Variants in TASP1 observed in about 807,000 individuals in gnomAD.
The protein encoded by TASP1 is taspase 1, also known as threonine aspartase 1.
A neutral mutation model predicts 56.6 loss-of-function variants in TASP1; 16 were observed. That is an observed-to-expected ratio of 0.28 (90% CI 0.19 to 0.43). TASP1 has a LOEUF of 0.43. Ranked by LOEUF, TASP1 falls within the 20% of genes least tolerant of loss-of-function variation. The pLI is 1.00. For synonymous variants in TASP1, 179 were observed against 184.2 expected (o/e 0.97, Z 0.23); for missense variants, 393 against 511.6 (o/e 0.77, Z 2.24).
chr20:13,404,856 G>T (rs918642845), intron 13 of TASP1, among the ~76,000 whole-genome samples: 1 of 151,724 alleles, frequency 6.6e-6, no homozygotes, highest in Non-Finnish European at 1.5e-5. Context: ...CTGAATCTCT[G>T]TTCAGAAATA....
chr20:13,420,100 G>A (rs1196039189), intron 12 of TASP1, among the ~76,000 whole-genome samples: 3 of 152,050 alleles, frequency 2.0e-5, no homozygotes, highest in South Asian at 4.2e-4. Context: ...ATATTAAGGG[G>A]GCAACTGCTC....
chr20:13,518,799 C>A (rs6134899), intron 10 of TASP1, among the ~76,000 whole-genome samples: 30,443 of 152,036 alleles, frequency 0.2, 3,304 homozygotes, highest in Middle Eastern at 0.28. Flanking sequence ...AATAGAACCA[C>A]CATTTGACCC....
At chr20:13,187,115 T>C in the TASP1 span, among the ~76,000 whole-genome samples, 1 of 152,028 alleles carries the variant, frequency 6.6e-6, no homozygotes, top group Admixed American at 6.6e-5. Flanking sequence ...CATCAGGAGA[T>C]TTGATGTGAT....
chr20:13,157,273 C>CAA, the TASP1 span, among the ~76,000 whole-genome samples: 8,573 of 143,500 alleles, frequency 0.06, 329 homozygotes, highest in African/African-American at 0.12. Flanking sequence ...ACTAAAAGTA[C>CAA]AAAAAAAAAA....
chr20:13,534,088 T>C lies in TASP1; in HGVS notation c.729A>G (p.Glu243=). The C allele has an allele frequency of 6.2e-7, 1 of 1,613,700 alleles. No individual in the cohort carries two copies. Among genetic ancestry groups the C allele is most frequent in the Non-Finnish European group, 8.5e-7 (1 of 1,179,702 alleles). The stretch of plus-strand genomic sequence containing the variant: ...TGGAGACAGCAGCAGCAACATTCCC[T>C]TCGTGGTCCACAACCACAGCGCCTA... The part of the protein sequence containing the change: ...DTVGAVVVDH[E]GNVAAAVSSG... Residue 243 remains glutamate, a synonymous_variant, in exon 9 of 14, where the codon GAA becomes GAG. Transcript: ENST00000337743.
chr20:13,142,419 C>A, the TASP1 span, among the ~76,000 whole-genome samples: 1 of 152,140 alleles, frequency 6.6e-6, no homozygotes, highest in Admixed American at 6.5e-5. Flanking sequence ...AACATTATTC[C>A]ATCTGTAGCA....
chr20:13,270,710 A>T, the TASP1 span: 1 of 1,613,956 alleles, frequency 6.2e-7, no homozygotes, highest in Non-Finnish European at 8.5e-7. Context: ...ATCTTTCCAA[A>T]GCTGATATCA....
At chr20:13,624,706 G>GA (rs1016278709) in intron 3 of TASP1, among the ~76,000 whole-genome samples, 1 of 152,026 alleles carries the variant, frequency 6.6e-6, no homozygotes, top group African/African-American at 2.4e-5. Flanking sequence ...AAACCAATGG[G>GA]AAAAAAGCAC....
chr20:13,421,295 G>T (rs781418155), intron 12 of TASP1, among the ~76,000 whole-genome samples: 1 of 151,696 alleles, frequency 6.6e-6, no homozygotes, highest in Non-Finnish European at 1.5e-5. Context: ...GGCTGGTTTC[G>T]AACTCTTGAC....
chr20:13,382,658 ATAAC>A, the TASP1 span, among the ~76,000 whole-genome samples: 2 of 152,186 alleles, frequency 1.3e-5, no homozygotes, highest in Non-Finnish European at 2.9e-5. Flanking sequence ...AAATTAATAA[ATAAC>A]TGTGTTTTGT....
chr20:13,349,323 T>C, the TASP1 span, among the ~76,000 whole-genome samples: 2 of 152,214 alleles, frequency 1.3e-5, no homozygotes, highest in Non-Finnish European at 2.9e-5. Context: ...CAAGTGACTA[T>C]ATAAAATAAT....
chr20:13,449,812 T>C (rs2043548873), intron 11 of TASP1, among the ~76,000 whole-genome samples: 1 of 152,124 alleles, frequency 6.6e-6, no homozygotes, highest in Non-Finnish European at 1.5e-5. Context: ...CATATCCCTA[T>C]ATAGTGAATC....
the TASP1 span, among the ~76,000 whole-genome samples, chr20:13,193,440 A>C: frequency 6.6e-6 from 1 of 152,350 alleles, no homozygotes; most frequent in Admixed American, 6.5e-5. Context: ...AAAAAAAAGG[A>C]CTAAGTCACT....
the TASP1 span, among the ~76,000 whole-genome samples, chr20:13,331,975 G>A: frequency 2.0e-5 from 3 of 152,076 alleles, no homozygotes; most frequent in African/African-American, 7.2e-5. Flanking sequence ...AATGATGCTG[G>A]AGCACGTTTT....
At chr20:13,435,246 G>A in intron 11 of TASP1, 92 bp from the exon 12 acceptor site, 1 of 953,882 alleles carries the variant, frequency 1.0e-6, no homozygotes, top group Non-Finnish European at 1.6e-6. Flanking sequence ...AATGTGGCAT[G>A]AATAAGAAAA....
chr20:13,195,297 T>G, the TASP1 span, among the ~76,000 whole-genome samples: 1 of 152,350 alleles, frequency 6.6e-6, no homozygotes, highest in South Asian at 2.1e-4. Context: ...CTAGATTTAC[T>G]TGGCCTTCCC....
the TASP1 span, among the ~76,000 whole-genome samples, chr20:13,323,313 T>A: frequency 1.3e-5 from 2 of 152,132 alleles, no homozygotes; most frequent in Non-Finnish European, 2.9e-5. Context: ...GGGAGGTCAC[T>A]TACTGGAAAC....
intron 9 of TASP1, 58 bp downstream of exon 9, chr20:13,533,964 G>C: frequency 6.5e-7 from 1 of 1,543,374 alleles, no homozygotes; most frequent in South Asian, 1.2e-5. Flanking sequence ...AAAATTGTGA[G>C]CTAAAAATTC....
rs2043722034 is a variant in TASP1 at position 13,496,237 on chromosome 20, T to G, written c.875-12900A>C. Among the ~76,000 whole-genome samples, 3 of 152,092 alleles carry G rather than the reference T, an allele frequency of 2.0e-5. No homozygotes were observed. The South Asian group carries it at 6.2e-4, about 32-fold the overall frequency. On this transcript the variant is annotated intron_variant, in intron 10 of 13. Transcript: ENST00000337743. The stretch of plus-strand genomic sequence containing the variant: ...CCTGGTTAATTTTTGTATTTTTTAG[T>G]AGAGACAGGGTTTTGCCATGTTGGC...
Sources: gnomAD v4.1 joint callset for allele counts (sites outside exome capture counted in the v4.1 genomes callset) on GRCh38, gnomAD v4.1.1 for gene constraint, MANE v1.5 for transcripts, NCBI Gene and HGNC (gene_info 2026-07-23, HGNC 2026-07-21) for gene names.